CFAP20DC: variants seen among roughly 807,000 people sequenced by gnomAD.
CFAP20DC encodes the protein protein CFAP20DC.
A neutral mutation model predicts 101.7 loss-of-function variants in CFAP20DC; 84 were observed. The observed-to-expected ratio is 0.83, with a 90% CI of 0.69 to 0.99. The LOEUF is 0.99. CFAP20DC is among the 50% of genes least tolerant of loss of function. CFAP20DC has a pLI of 0.00. For synonymous variants in CFAP20DC, 359 were observed against 351.2 expected (o/e 1.02, Z -0.25); for missense variants, 1,007 against 970.3 (o/e 1.04, Z -0.50).
chr3:58,931,454 C>T (rs1422087504), intron 5 of CFAP20DC, among the ~76,000 whole-genome samples: 13 of 151,436 alleles, frequency 8.6e-5, no homozygotes, highest in Non-Finnish European at 1.3e-4. Flanking sequence ...GATCTAAGAA[C>T]GGGCAGACTG....
chr3:58,794,097 G>T (rs1172368879), intron 15 of CFAP20DC: 4 of 228,388 alleles, frequency 1.8e-5, no homozygotes, highest in Non-Finnish European at 3.7e-5. Context: ...GGTCTCGCTT[G>T]TTACTGAGCC....
At chr3:59,024,492 T>A (rs1313429966) in intron 4 of CFAP20DC, among the ~76,000 whole-genome samples, 1 of 152,162 alleles carries the variant, frequency 6.6e-6, no homozygotes, top group African/African-American at 2.4e-5. Context: ...ATAAATGCCA[T>A]TAACAGACAT....
chr3:58,764,543 C>T lies in CFAP20DC; in HGVS notation c.2238-10680G>A, dbSNP rs1387598847. ...CGGTCGGTGTACTGCACCCACTGTC[C>T]GATACTCCTCAGTGAGATGAACCCG... On this transcript the variant is annotated intron_variant, in intron 15 of 16. Coordinates refer to ENST00000482387, the MANE Select transcript of CFAP20DC (RefSeq NM_001394063.1). Among the ~76,000 whole-genome samples the T allele has an allele frequency of 3.9e-5, 6 of 152,250 alleles. No individual in the cohort carries two copies. The East Asian group carries it at 7.7e-4, about 20-fold the overall frequency.
At chr3:58,821,235 C>T (rs529692510) in intron 14 of CFAP20DC, among the ~76,000 whole-genome samples, 3 of 152,114 alleles carry the variant, frequency 2.0e-5, no homozygotes, top group Non-Finnish European at 2.9e-5. Context: ...TAGGCATGGG[C>T]AAGGACTTCA....
chr3:59,027,795 A>G (rs1248503026), intron 4 of CFAP20DC, among the ~76,000 whole-genome samples: 2 of 152,170 alleles, frequency 1.3e-5, no homozygotes, highest in African/African-American at 4.8e-5. Flanking sequence ...CCAGGCTCTG[A>G]AACACCTAGC....
intron 6 of CFAP20DC, among the ~76,000 whole-genome samples, chr3:58,895,870 AAG>A (rs761266933): frequency 6.6e-5 from 10 of 152,190 alleles, no homozygotes; most frequent in Admixed American, 2.0e-4. Flanking sequence ...GCAGCACGCA[AAG>A]AGAGTTTGTC....
intron 15 of CFAP20DC, among the ~76,000 whole-genome samples, chr3:58,761,964 G>T (rs1283059901): frequency 5.9e-5 from 9 of 152,084 alleles, no homozygotes; most frequent in Non-Finnish European, 1.0e-4. Flanking sequence ...CAACTATGTG[G>T]TCAATTTTGG....
In CFAP20DC at chr3:58,722,767, G is replaced by T. The variant is rs1490272778; in HGVS notation, c.198-5139C>A. 6.6e-6 allele frequency among the ~76,000 whole-genome samples: 1 copy of T among 152,218 alleles called. No individual in the cohort carries two copies. Among genetic ancestry groups the T allele is most frequent in the Non-Finnish European group, 1.5e-5 (1 of 68,050 alleles). On this transcript the variant is annotated intron_variant, in intron 3 of 3. Coordinates refer to the CFAP20DC transcript ENST00000486145. The surrounding 1 kb of genome is among the most constrained non-coding windows in gnomAD (Gnocchi z 4.5). ...ATCCCCCAGCTGATACAGACTGCTGGTATCCTGCCAAGAGAGATAAACAGT... is the reference window on the plus strand; with the variant it reads ...ATCCCCCAGCTGATACAGACTGCTGTTATCCTGCCAAGAGAGATAAACAGT...
Position 58,899,617 on chromosome 3 carries a change from G to A in CFAP20DC, c.550+14091C>T, listed in dbSNP as rs945896322. On this transcript the variant is annotated intron_variant, in intron 6 of 16. Coordinates refer to ENST00000482387, the MANE Select transcript of CFAP20DC (RefSeq NM_001394063.1). The surrounding 1 kb of genome is among the most constrained non-coding windows in gnomAD (Gnocchi z 5.0). ...TGGACCCAGTACCCTGGTGGCATGC[G>A]CTTATGAGGGGATCTCCTAATCTGC... Among the ~76,000 whole-genome samples, 3 of 152,126 alleles carry A rather than the reference G, an allele frequency of 2.0e-5. No individual in the cohort carries two copies. The highest frequency in any genetic ancestry group is 2.9e-5 in the Non-Finnish European group (2 of 68,028).
intron 3 of CFAP20DC, among the ~76,000 whole-genome samples, chr3:58,730,372 A>G (rs1293809050): frequency 1.3e-5 from 2 of 152,260 alleles, no homozygotes; most frequent in Middle Eastern, 3.2e-3. Context: ...TCTGTCAATT[A>G]AAAGTTAAAC....
rs1348721750 is a variant in CFAP20DC at position 58,964,126 on chromosome 3, C to T, written c.279-26364G>A. On this transcript the variant is annotated intron_variant, in intron 4 of 16. Coordinates refer to ENST00000482387, the MANE Select transcript of CFAP20DC (RefSeq NM_001394063.1). The surrounding 1 kb of genome is among the most constrained non-coding windows in gnomAD (Gnocchi z 4.1). ...CTTGTGATAAGCAATACTGAAGCAG[C>T]TGCAGCTTGCCAACCACCAGACACT... Among the ~76,000 whole-genome samples, 1 of 152,208 alleles carries T rather than the reference C, an allele frequency of 6.6e-6. No homozygotes were observed. Among genetic ancestry groups the T allele is most frequent in the Non-Finnish European group, 1.5e-5 (1 of 68,036 alleles).
At chr3:58,804,363 TC>T (rs1252980284) in intron 15 of CFAP20DC, among the ~76,000 whole-genome samples, 3 of 151,040 alleles carry the variant, frequency 2.0e-5, no homozygotes, top group Non-Finnish European at 4.4e-5. Flanking sequence ...ACAAATTAGT[TC>T]TTTTTTTTTT....
chr3:58,749,866 A>G (rs937718719), intron 16 of CFAP20DC, among the ~76,000 whole-genome samples: 1 of 152,228 alleles, frequency 6.6e-6, no homozygotes, highest in Non-Finnish European at 1.5e-5. Context: ...AAGTTCTGAA[A>G]TCTTAACTTC....
rs915875983 is a variant in CFAP20DC, at chr3:58,849,048, G to A, written c.1955C>T (p.Ser652Leu). The change falls in exon 13 of 17, where the codon TCG becomes TTG. Residue 652 changes from serine (S) to leucine (L), a missense_variant. Physicochemically the swap from Ser to Leu is moderately radical, Grantham distance 145 (BLOSUM62 -2). Coordinates refer to ENST00000482387, the MANE Select transcript of CFAP20DC (RefSeq NM_001394063.1). ...LKEISGERLS[S>L]IPEASEYDWR... The stretch of plus-strand genomic sequence containing the variant: ...ACCACTTACAGATGCTTCGGGGATC[G>A]AGCTCAGCCTTTCCCCTGAGATTTC... 4 of 1,535,444 alleles carry A rather than the reference G, an allele frequency of 2.6e-6. No homozygotes were observed. The highest frequency in any genetic ancestry group is 1.2e-5 in the South Asian group (1 of 83,970).
chr3:58,887,005 G>C (rs2081695286), intron 6 of CFAP20DC, among the ~76,000 whole-genome samples: 1 of 152,144 alleles, frequency 6.6e-6, no homozygotes, highest in Non-Finnish European at 1.5e-5. Flanking sequence ...AAATAGAAGA[G>C]GTTTCTGTGC....
chr3:58,963,881 TC>T lies in CFAP20DC; in HGVS notation c.279-26120del, dbSNP rs778405588. On this transcript the variant is annotated intron_variant, in intron 4 of 16. Coordinates refer to ENST00000482387, the MANE Select transcript of CFAP20DC (RefSeq NM_001394063.1). The stretch of plus-strand genomic sequence containing the variant: ...GTCAGACACACCTCACTATAACCCC[TC>T]CCTTTTGCAGTTTACACACAACTGA... Among the ~76,000 whole-genome samples, 8 of 152,020 alleles carry T rather than the reference TC, an allele frequency of 5.3e-5. No individual in the cohort carries two copies. The South Asian group carries it at 1.0e-3, about 20-fold the overall frequency.
intron 4 of CFAP20DC, among the ~76,000 whole-genome samples, chr3:59,012,304 T>C (rs909234756): frequency 2.6e-5 from 4 of 152,214 alleles, no homozygotes; most frequent in African/African-American, 7.2e-5. Flanking sequence ...TATGAAAGAA[T>C]GACAGTATGT....
At chr3:58,781,060 T>A (rs1391180423) in intron 15 of CFAP20DC, among the ~76,000 whole-genome samples, 1 of 151,886 alleles carries the variant, frequency 6.6e-6, no homozygotes, top group Non-Finnish European at 1.5e-5. Flanking sequence ...GTCAATACAT[T>A]TTTAAACATC....
intron 14 of CFAP20DC, among the ~76,000 whole-genome samples, chr3:58,817,826 GAC>G (rs1354206581): frequency 6.6e-6 from 1 of 152,008 alleles, no homozygotes; most frequent in Non-Finnish European, 1.5e-5. Flanking sequence ...GCAACTTCAA[GAC>G]ACATAATTGT....
Sources: gnomAD v4.1 joint callset for allele counts (sites outside exome capture counted in the v4.1 genomes callset) on GRCh38, gnomAD v4.1.1 for gene constraint, Gnocchi (gnomAD v3.1) non-coding constraint, MANE v1.5 for transcripts, NCBI Gene and HGNC (gene_info 2026-07-23, HGNC 2026-07-21) for gene names.